TOX: variants seen among roughly 807,000 people sequenced by gnomAD.
The protein encoded by TOX is thymocyte selection associated high mobility group box, also known as thymocyte selection-associated high mobility group box protein TOX.
A neutral mutation model predicts 53.7 loss-of-function variants in TOX; 11 were observed. The observed-to-expected ratio is 0.20, with a 90% CI of 0.13 to 0.34. The LOEUF (loss-of-function observed/expected upper bound fraction) is 0.34. Ranked by LOEUF, TOX falls within the 10% of genes least tolerant of loss-of-function variation. The pLI is 1.00. For missense variants in TOX, 570 were observed against 664.6 expected, an observed-to-expected ratio of 0.86 and a Z score of 1.56; for synonymous variants, 225 against 245.3, an observed-to-expected ratio of 0.92 and a Z score of 0.77.
At chr8:59,091,644 TACAC>T (rs1182576576) in intron 1 of TOX, among the ~76,000 whole-genome samples, 1 of 152,192 alleles carries the variant, frequency 6.6e-6, no homozygotes, top group Non-Finnish European at 1.5e-5. Flanking sequence ...AATTAAATAA[TACAC>T]AGAGCCCTCA....
At chr8:59,050,938 C>T (rs1281538915) in intron 1 of TOX, among the ~76,000 whole-genome samples, 3 of 152,226 alleles carry the variant, frequency 2.0e-5, no homozygotes, top group Non-Finnish European at 4.4e-5. Context: ...CATCATCTAA[C>T]ATTTATGAGA....
intron 1 of TOX, among the ~76,000 whole-genome samples, chr8:58,962,401 G>A (rs1812815688): frequency 6.6e-6 from 1 of 152,100 alleles, no homozygotes; most frequent in Admixed American, 6.5e-5. Flanking sequence ...CCAAGAGTTA[G>A]GTATTATTAT....
At chr8:58,989,209 G>T (rs1397377821) in intron 1 of TOX, among the ~76,000 whole-genome samples, 1 of 152,038 alleles carries the variant, frequency 6.6e-6, no homozygotes, top group Non-Finnish European at 1.5e-5. Context: ...CCAGCTACTT[G>T]GGAGGCTGAG....
intron 1 of TOX, among the ~76,000 whole-genome samples, chr8:59,057,613 C>T (rs911173338): frequency 3.3e-5 from 5 of 152,054 alleles, no homozygotes; most frequent in South Asian, 4.1e-4. Context: ...ATATTCTCTC[C>T]GCCCCCCGCC....
chr8:58,923,212 G>C (rs1381509122), intron 3 of TOX, among the ~76,000 whole-genome samples: 1 of 152,176 alleles, frequency 6.6e-6, no homozygotes, highest in South Asian at 2.1e-4. Flanking sequence ...GGAGGAACAG[G>C]AGTCAGGAGG....
At chr8:58,989,207 T>G (rs923850157) in intron 1 of TOX, among the ~76,000 whole-genome samples, 1 of 151,956 alleles carries the variant, frequency 6.6e-6, no homozygotes, top group African/African-American at 2.4e-5. Flanking sequence ...TCCCAGCTAC[T>G]TGGGAGGCTG....
At chr8:58,915,362 G>A (rs1811995001) in intron 3 of TOX, among the ~76,000 whole-genome samples, 1 of 88,500 alleles carries the variant, frequency 1.1e-5, no homozygotes, top group Non-Finnish European at 2.2e-5. Context: ...TCTGAGAACG[G>A]GCAGACTGCC....
intron 1 of TOX, among the ~76,000 whole-genome samples, chr8:59,052,924 A>C (rs1803819280): frequency 6.6e-6 from 1 of 152,218 alleles, no homozygotes; most frequent in South Asian, 2.1e-4. Flanking sequence ...CCAAATAACG[A>C]AAAATGAATT....
At chr8:59,085,990 T>C (rs1175321771) in intron 1 of TOX, among the ~76,000 whole-genome samples, 25 of 146,440 alleles carry the variant, frequency 1.7e-4, no homozygotes, top group African/African-American at 6.0e-4. Context: ...TTTTTTTTTT[T>C]TTTTTTTTTT....
chr8:58,843,958 T>A (rs1351686275), intron 4 of TOX, among the ~76,000 whole-genome samples: 2 of 152,244 alleles, frequency 1.3e-5, no homozygotes, highest in Non-Finnish European at 2.9e-5. Flanking sequence ...TTGGCTCTTA[T>A]GACCACAAAC....
Position 58,951,968 on chromosome 8 carries a change from C to T in TOX, c.168+7975G>A, listed in dbSNP as rs564114274. ...AAAATAATATAGATCAGAAAGAACACAGGAGAAAGAAAAAATACAGATATG... is the reference window on the plus strand; with the variant it reads ...AAAATAATATAGATCAGAAAGAACATAGGAGAAAGAAAAAATACAGATATG... On this transcript the variant is annotated intron_variant, in intron 2 of 8. Coordinates refer to ENST00000361421, the MANE Select transcript of TOX (RefSeq NM_014729.3). Among the ~76,000 whole-genome samples, 26 of 152,246 alleles carry T rather than the reference C, an allele frequency of 1.7e-4. No individual in the cohort carries two copies. In the East Asian group the frequency reaches 4.1e-3, roughly 24 times the overall value.
chr8:58,847,325 T>C (rs897246623), intron 4 of TOX, among the ~76,000 whole-genome samples: 4 of 152,006 alleles, frequency 2.6e-5, no homozygotes, highest in African/African-American at 9.7e-5. Flanking sequence ...ATTAAATACA[T>C]GGGTAAAGAG....
intron 1 of TOX, among the ~76,000 whole-genome samples, chr8:58,975,259 CA>C (rs1464279846): frequency 1.6e-4 from 24 of 148,646 alleles, no homozygotes; most frequent in East Asian, 1.6e-3. Context: ...CACACACACA[CA>C]CACCCCCACA....
At chr8:58,966,014 G>C (rs181870407) in intron 1 of TOX, among the ~76,000 whole-genome samples, 1 of 147,530 alleles carries the variant, frequency 6.8e-6, no homozygotes, top group Non-Finnish European at 1.5e-5. Flanking sequence ...AATATAGGGT[G>C]ATAATACGCA....
chr8:58,936,124 G>A (rs1004540928), intron 3 of TOX, among the ~76,000 whole-genome samples: 3 of 152,136 alleles, frequency 2.0e-5, no homozygotes, highest in African/African-American at 4.8e-5. Flanking sequence ...AACCACCAGC[G>A]ATTGCTTCTA....
intron 5 of TOX, among the ~76,000 whole-genome samples, chr8:58,836,360 GA>G (rs1810546043): frequency 1.3e-5 from 2 of 152,190 alleles, no homozygotes; most frequent in Non-Finnish European, 2.9e-5. Flanking sequence ...ACCCAAGTTA[GA>G]ATAGAAACTA....
In TOX at chr8:58,998,536, T is replaced by TATATAATAAATTTATGTA. The variant is rs1554537360; in HGVS notation, c.103-38529_103-38528insTACATAAATTTATTATAT. 7.3e-3 allele frequency among the ~76,000 whole-genome samples: 275 copies of TATATAATAAATTTATGTA among 37,618 alleles called. 1 individual carries two copies. Among genetic ancestry groups the TATATAATAAATTTATGTA allele is most frequent in the East Asian group, 0.012 (16 of 1,310 alleles). 24.7% of individuals were successfully genotyped at this position (37,618 alleles called of 152,430 possible). A position where few individuals can be genotyped will look rare whatever the true frequency, so the allele number is the denominator to read the frequency against. On this transcript the variant is annotated intron_variant, in intron 1 of 8. Transcript: ENST00000361421. ...ATATATATATATATATATATATATATATAAATTTATATATAATAAATTTAT... is the reference window on the plus strand; with the variant it reads ...ATATATATATATATATATATATATATATATAATAAATTTATGTAATAAATTTATATATAATAAATTTAT...
At chr8:59,009,182 TCTTTA>T (rs1813850424) in intron 1 of TOX, among the ~76,000 whole-genome samples, 1 of 151,776 alleles carries the variant, frequency 6.6e-6, no homozygotes, top group Non-Finnish European at 1.5e-5. Flanking sequence ...ATCTCTCCTT[TCTTTA>T]TTCTTTTTTT....
intron 1 of TOX, among the ~76,000 whole-genome samples, chr8:59,104,400 C>T (rs545647119): frequency 3.7e-4 from 56 of 152,242 alleles, no homozygotes; most frequent in Admixed American, 1.1e-3. Context: ...CCAAGGATGT[C>T]GCCCCTCCAT....
Sources: allele counts gnomAD v4.1 joint callset (sites outside exome capture counted in the v4.1 genomes callset), GRCh38; gene constraint gnomAD v4.1.1; transcripts MANE v1.5; gene names NCBI Gene and HGNC (gene_info 2026-07-23, HGNC 2026-07-21).